KCNIP4: variants seen among roughly 807,000 people sequenced by gnomAD.
KCNIP4 encodes the protein potassium voltage-gated channel interacting protein 4.
KCNIP4 carries 12 observed loss-of-function variants against 34.0 expected under a neutral mutation model. The ratio of observed to expected loss-of-function variants is 0.35; its 90% CI spans 0.23 to 0.57. KCNIP4 has a LOEUF of 0.57. Ranked by LOEUF, KCNIP4 falls within the 20% of genes least tolerant of loss-of-function variation. The probability of loss-of-function intolerance (pLI) is 0.83; values close to 1 mark genes in which losing one functional copy is unlikely to be tolerated. For missense variants in KCNIP4, 238 were observed against 311.7 expected (o/e 0.76, Z 1.78); for synonymous variants, 124 against 102.2 (o/e 1.21, Z -1.29).
At chr4:21,298,105 T>C (rs1669038154) in intron 1 of KCNIP4, among the ~76,000 whole-genome samples, 1 of 152,172 alleles carries the variant, frequency 6.6e-6, no homozygotes, top group South Asian at 2.1e-4. Flanking sequence ...TCTTGCATGA[T>C]TGAGATGATA....
intron 1 of KCNIP4, among the ~76,000 whole-genome samples, chr4:21,218,031 T>C (rs1372818437): frequency 2.0e-5 from 3 of 151,418 alleles, no homozygotes; most frequent in Non-Finnish European, 4.4e-5. Flanking sequence ...TTATTATTTT[T>C]TTAGACGGAG....
chr4:20,825,554 T>C (rs1273511962), intron 3 of KCNIP4, among the ~76,000 whole-genome samples: 2 of 152,104 alleles, frequency 1.3e-5, no homozygotes, highest in Admixed American at 6.6e-5. Context: ...GAAGAAAATG[T>C]AGCTTTGGGG....
At chr4:21,350,273 T>G (rs1411526823) in intron 1 of KCNIP4, among the ~76,000 whole-genome samples, 1 of 152,078 alleles carries the variant, frequency 6.6e-6, no homozygotes, top group Non-Finnish European at 1.5e-5. Flanking sequence ...TTATAAACTT[T>G]TAATGAAGGA....
chr4:20,857,382 T>G (rs992162036), intron 2 of KCNIP4, among the ~76,000 whole-genome samples: 3 of 152,140 alleles, frequency 2.0e-5, no homozygotes, highest in Non-Finnish European at 4.4e-5. Flanking sequence ...GCCTAACATT[T>G]ATTGAGCCCT....
At chr4:21,592,058 A>G (rs957606506) in intron 1 of KCNIP4, among the ~76,000 whole-genome samples, 3 of 152,088 alleles carry the variant, frequency 2.0e-5, no homozygotes, top group Non-Finnish European at 4.4e-5. Flanking sequence ...GGGAAAATAT[A>G]CTGGAGTAAC....
Position 20,911,196 on chromosome 4 carries a change from C to A in KCNIP4, c.62-28487G>T, listed in dbSNP as rs1006742302. Among the ~76,000 whole-genome samples, 7 of 152,154 alleles carry A rather than the reference C, an allele frequency of 4.6e-5. No homozygotes were observed. The South Asian group carries it at 1.5e-3, about 32-fold the overall frequency. Reference sequence around the variant, plus strand: ...ATAACTTGCCTGACTCTGACAATTACAAATTACTCTTGTTTGTAGAAATGA... The same window carrying A: ...ATAACTTGCCTGACTCTGACAATTAAAAATTACTCTTGTTTGTAGAAATGA... On this transcript the variant is annotated intron_variant, in intron 1 of 8. Transcript: ENST00000382152.
intron 1 of KCNIP4, among the ~76,000 whole-genome samples, chr4:20,979,793 A>G (rs1404394542): frequency 6.7e-6 from 1 of 148,168 alleles, no homozygotes; most frequent in Admixed American, 6.7e-5. Context: ...CCCAAAGTTG[A>G]AGTCTTTAAG....
At chr4:21,057,578 A>G (rs1335515935) in intron 1 of KCNIP4, among the ~76,000 whole-genome samples, 3 of 152,174 alleles carry the variant, frequency 2.0e-5, no homozygotes, top group African/African-American at 7.2e-5. Context: ...AATTACACTC[A>G]GTGAGAGTCG....
At chr4:21,488,864 A>T (rs1013226) in intron 1 of KCNIP4, among the ~76,000 whole-genome samples, 84,778 of 151,904 alleles carry the variant, frequency 0.56, 23,897 homozygotes, top group Non-Finnish European at 0.6. Context: ...CAGATATCCA[A>T]GCCAAGGAAA....
intron 1 of KCNIP4, chr4:21,855,645 T>C (rs964075344): frequency 6.6e-6 from 1 of 152,178 alleles, no homozygotes; most frequent in Non-Finnish European, 1.5e-5. Flanking sequence ...TTCTTATCCA[T>C]ATACAATTGG....
chr4:21,474,308 C>T (rs1730728210), intron 1 of KCNIP4, among the ~76,000 whole-genome samples: 1 of 152,134 alleles, frequency 6.6e-6, no homozygotes, highest in South Asian at 2.1e-4. Context: ...GAAACTGCCA[C>T]AGTGCACCTA....
intron 1 of KCNIP4, among the ~76,000 whole-genome samples, chr4:20,940,692 AC>A (rs1454822428): frequency 6.6e-6 from 1 of 152,186 alleles, no homozygotes; most frequent in Non-Finnish European, 1.5e-5. Context: ...TCTAATTCAG[AC>A]TTTCTTTCAA....
At chr4:20,799,057 G>C (rs1713873993) in intron 3 of KCNIP4, among the ~76,000 whole-genome samples, 2 of 152,142 alleles carry the variant, frequency 1.3e-5, no homozygotes, top group Admixed American at 6.5e-5. Flanking sequence ...ATTCCTGAGA[G>C]TTTGCTGCTA....
At chr4:21,392,226 A>C (rs950709500) in intron 1 of KCNIP4, among the ~76,000 whole-genome samples, 2 of 152,146 alleles carry the variant, frequency 1.3e-5, no homozygotes, top group African/African-American at 2.4e-5. Flanking sequence ...ATGCAACCCA[A>C]ATGGGAAGGT....
chr4:21,012,169 T>C (rs1386309221), intron 1 of KCNIP4, among the ~76,000 whole-genome samples: 1 of 152,222 alleles, frequency 6.6e-6, no homozygotes, highest in Non-Finnish European at 1.5e-5. Flanking sequence ...GTGGTTCCTG[T>C]TGTGCCCAGC....
At chr4:21,342,145 G>T (rs753258723) in intron 1 of KCNIP4, among the ~76,000 whole-genome samples, 1 of 152,028 alleles carries the variant, frequency 6.6e-6, no homozygotes, top group Non-Finnish European at 1.5e-5. Context: ...CTAAGACAAG[G>T]CACGGGGTAG....
chr4:20,880,113 T>C (rs1481216496), intron 2 of KCNIP4, among the ~76,000 whole-genome samples: 4 of 152,186 alleles, frequency 2.6e-5, no homozygotes, highest in African/African-American at 9.7e-5. Context: ...AATGAAATAA[T>C]AAAAATTTGG....
At chr4:21,849,912 A>C (rs1217779811) in intron 1 of KCNIP4, 5 of 152,086 alleles carry the variant, frequency 3.3e-5, no homozygotes, top group Non-Finnish European at 5.9e-5. Flanking sequence ...CCTTCAGGGC[A>C]TAAGTAATGT....
At chr4:20,864,119 C>A (rs1560525300) in intron 2 of KCNIP4, among the ~76,000 whole-genome samples, 1 of 135,400 alleles carries the variant, frequency 7.4e-6, no homozygotes, top group South Asian at 2.2e-4. Flanking sequence ...TATACATATC[C>A]ATGTATACAC....
Sources: gnomAD v4.1 joint callset for allele counts (sites outside exome capture counted in the v4.1 genomes callset) on GRCh38, gnomAD v4.1.1 for gene constraint, MANE v1.5 for transcripts, NCBI Gene and HGNC (gene_info 2026-07-23, HGNC 2026-07-21) for gene names.